NEDD4L: variants seen among roughly 807,000 people sequenced by gnomAD.
NEDD4L encodes the protein NEDD4 like E3 ubiquitin protein ligase.
Under a neutral mutation model 148.9 loss-of-function variants are expected in NEDD4L, and 54 were observed. That is an observed-to-expected ratio of 0.36 (90% CI 0.29 to 0.45). The LOEUF (loss-of-function observed/expected upper bound fraction) is 0.45. Among genes scored for constraint, NEDD4L ranks in the 20% least tolerant of loss-of-function variants. The pLI, the probability that NEDD4L is intolerant of heterozygous loss-of-function variation, is 1.00. For missense variants in NEDD4L, 856 were observed against 1,233.8 expected (o/e 0.69, Z 4.59); for synonymous variants, 433 against 440.7 (o/e 0.98, Z 0.22).
chr18:58,186,122 T>G (rs1264913813), intron 2 of NEDD4L, among the ~76,000 whole-genome samples: 1 of 151,464 alleles, frequency 6.6e-6, no homozygotes, highest in African/African-American at 2.4e-5. Flanking sequence ...CAGAGAAGGA[T>G]GCACAAGAAC....
At chr18:58,266,981 TA>T (rs2050309617) in intron 5 of NEDD4L, among the ~76,000 whole-genome samples, 1 of 152,100 alleles carries the variant, frequency 6.6e-6, no homozygotes, top group African/African-American at 2.4e-5. Context: ...ACTATTAAAA[TA>T]ATCTGGTGAC....
intron 1 of NEDD4L, among the ~76,000 whole-genome samples, chr18:58,098,641 C>A (rs2084571955): frequency 6.6e-6 from 1 of 152,150 alleles, no homozygotes; most frequent in South Asian, 2.1e-4. Flanking sequence ...TAGCTGCTGC[C>A]ATCATCATTG....
intron 16 of NEDD4L, among the ~76,000 whole-genome samples, chr18:58,346,942 G>A (rs1398416466): frequency 6.6e-6 from 1 of 152,012 alleles, no homozygotes; most frequent in Admixed American, 6.6e-5. Flanking sequence ...TGAGTGGCTC[G>A]GTGGGAGTCA....
intron 26 of NEDD4L, among the ~76,000 whole-genome samples, chr18:58,386,036 C>CTTGA (rs74183251): frequency 0.023 from 3,463 of 150,480 alleles, 70 homozygotes; most frequent in African/African-American, 0.059. Context: ...GCTGCCTGGG[C>CTTGA]TTGATTGATT....
intron 1 of NEDD4L, chr18:58,149,468 C>T: frequency 6.5e-7 from 1 of 1,549,252 alleles, no homozygotes; most frequent in South Asian, 1.2e-5. Flanking sequence ...CTCTTCAGAA[C>T]TTGCTCTGCC....
At chr18:58,112,491 T>C (rs1180463637) in intron 1 of NEDD4L, among the ~76,000 whole-genome samples, 1 of 151,708 alleles carries the variant, frequency 6.6e-6, no homozygotes, top group Non-Finnish European at 1.5e-5. Flanking sequence ...TTTTTAAAAT[T>C]TTATTATTAT....
At chr18:58,252,456 A>G (rs2094447409) in intron 5 of NEDD4L, among the ~76,000 whole-genome samples, 1 of 152,206 alleles carries the variant, frequency 6.6e-6, no homozygotes, top group African/African-American at 2.4e-5. Flanking sequence ...TAGCAAATCT[A>G]TGGTAATTCT....
At chr18:58,360,643 G>A (rs761648542) in intron 19 of NEDD4L, among the ~76,000 whole-genome samples, 30 of 151,884 alleles carry the variant, frequency 2.0e-4, no homozygotes, top group Non-Finnish European at 2.9e-4. Flanking sequence ...GCCTCTTTGA[G>A]ATTATTCTAT....
intron 1 of NEDD4L, among the ~76,000 whole-genome samples, chr18:58,068,600 TGA>T (rs2144844425): frequency 6.6e-6 from 1 of 152,320 alleles, no homozygotes; most frequent in African/African-American, 2.4e-5. Context: ...ACTTGCAAAG[TGA>T]GAGAGCTAGA....
At chr18:58,056,894 C>CTTTTTTTTTTT (rs74183230) in intron 1 of NEDD4L, among the ~76,000 whole-genome samples, 144 of 121,494 alleles carry the variant, frequency 1.2e-3, no homozygotes, top group East Asian at 6.0e-3. Context: ...GCTATGCCCT[C>CTTTTTTTTTTT]TTTTTTTTTT....
At chr18:58,177,801 G>A (rs1374462699) in intron 2 of NEDD4L, among the ~76,000 whole-genome samples, 2 of 152,272 alleles carry the variant, frequency 1.3e-5, no homozygotes, top group African/African-American at 2.4e-5. Flanking sequence ...CATTGTCATC[G>A]ACTTTATAAA....
At chr18:58,128,633 A>G (rs1056375932) in intron 1 of NEDD4L, among the ~76,000 whole-genome samples, 3 of 152,162 alleles carry the variant, frequency 2.0e-5, no homozygotes, top group African/African-American at 4.8e-5. Flanking sequence ...GATGCTGGAA[A>G]TCCTGGCGGG....
chr18:58,184,831 A>G lies in NEDD4L; in HGVS notation c.122+18970A>G, dbSNP rs190978848. 2.7e-4 allele frequency among the ~76,000 whole-genome samples: 41 copies of G among 152,014 alleles called. No individual in the cohort carries two copies. The South Asian group carries it at 2.7e-3, about 10-fold the overall frequency. ...TAGTCCCAGCTACTTGGGAGGCTGA[A>G]GCAGGAGAATGGCGTGAACGCAGGA... On this transcript the variant is annotated intron_variant, in intron 2 of 30. Transcript: ENST00000400345.
intron 2 of NEDD4L, among the ~76,000 whole-genome samples, chr18:58,206,787 T>C (rs935555273): frequency 3.3e-5 from 5 of 152,200 alleles, no homozygotes; most frequent in Non-Finnish European, 7.3e-5. Context: ...GTGGGAGGCA[T>C]GGTGGTCTCC....
At chr18:58,168,231 C>T (rs1460670262) in intron 2 of NEDD4L, among the ~76,000 whole-genome samples, 1 of 152,204 alleles carries the variant, frequency 6.6e-6, no homozygotes, top group African/African-American at 2.4e-5. Flanking sequence ...TTCCTGCTTT[C>T]CTCCCTCCTC....
chr18:58,053,690 A>G (rs2081978455), intron 1 of NEDD4L, among the ~76,000 whole-genome samples: 1 of 152,130 alleles, frequency 6.6e-6, no homozygotes, highest in Non-Finnish European at 1.5e-5. Context: ...GCAGTTTTGG[A>G]TCATGTCTTA....
intron 1 of NEDD4L, among the ~76,000 whole-genome samples, chr18:58,103,272 A>ATATTATAT (rs112285345): frequency 7.3e-6 from 1 of 136,372 alleles, no homozygotes; most frequent in African/African-American, 3.2e-5. Context: ...TATATATTAT[A>ATATTATAT]ATTATATATA....
At chr18:58,192,358 C>T (rs529922253) in intron 2 of NEDD4L, among the ~76,000 whole-genome samples, 2 of 152,234 alleles carry the variant, frequency 1.3e-5, no homozygotes, top group East Asian at 1.9e-4. Context: ...AAGGTGCCAT[C>T]GTTAATTTGG....
chr18:58,218,262 G>C (rs1368363854), intron 2 of NEDD4L, among the ~76,000 whole-genome samples: 1 of 152,090 alleles, frequency 6.6e-6, no homozygotes, highest in East Asian at 1.9e-4. Context: ...CCTAAAAACT[G>C]CCCAGTCTTT....
Sources: allele counts gnomAD v4.1 joint callset (sites outside exome capture counted in the v4.1 genomes callset), GRCh38; gene constraint gnomAD v4.1.1; transcripts MANE v1.5; gene names NCBI Gene and HGNC (gene_info 2026-07-23, HGNC 2026-07-21).